MED22: variants seen among roughly 807,000 people sequenced by gnomAD.
MED22 encodes the protein mediator complex subunit 22, also known as mediator of RNA polymerase II transcription subunit 22.
In MED22, 22 loss-of-function variants were observed where a neutral mutation model predicts 22.7. That is an observed-to-expected ratio of 0.97 (90% CI 0.69 to 1.38). The LOEUF is 1.38. MED22 is among the 40% of genes most tolerant of loss of function. The pLI is 0.00. For synonymous variants in MED22, 134 were observed against 119.4 expected (o/e 1.12, Z -0.80); for missense variants, 247 against 263.0 (o/e 0.94, Z 0.42).
intron 2 of MED22, among the ~76,000 whole-genome samples, chr9:133,346,207 C>A (rs2129967616): frequency 4.3e-4 from 66 of 152,252 alleles, no homozygotes; most frequent in African/African-American, 8.2e-4. Flanking sequence ...GGCCCCCCCC[C>A]ACTTCTCCCC....
intron 1 of MED22, chr9:133,347,332 A>G (rs1836215560): frequency 1.3e-5 from 2 of 152,242 alleles, no homozygotes; most frequent in South Asian, 4.1e-4. Context: ...CCTGACCAAC[A>G]TGGTGAAACC....
chr9:133,342,985 G>A (rs1013879037), intron 4 of MED22: 3 of 986,050 alleles, frequency 3.0e-6, no homozygotes, highest in African/African-American at 3.5e-5. Context: ...GGAAGGAGAT[G>A]CCCAGAAGGG....
chr9:133,346,349 C>T, intron 2 of MED22, 191 bp downstream of exon 2: 1 of 651,700 alleles, frequency 1.5e-6, no homozygotes, highest in Non-Finnish European at 2.6e-6. Flanking sequence ...AGTGAAATCT[C>T]CATCCAAATC....
intron 3 of MED22, among the ~76,000 whole-genome samples, chr9:133,344,816 C>T (rs1214757583): frequency 1.3e-5 from 2 of 152,206 alleles, no homozygotes; most frequent in African/African-American, 4.8e-5. Context: ...CCTACAGTTC[C>T]ATTCGGCTGT....
chr9:133,342,588 G>A (rs1003838847), intron 4 of MED22: 22 of 986,356 alleles, frequency 2.2e-5, no homozygotes, highest in Non-Finnish European at 2.5e-5. Flanking sequence ...CGCCCTTTGG[G>A]GGACCAGCAA....
chr9:133,339,647 A>C lies in MED22; in HGVS notation c.*1858T>G, dbSNP rs1486651421. ...ATGTGCTCAGAGAGGCAAACTGACA[A>C]GTACTTCCATGAGTTCCACTGCCCT... is the stretch of plus-strand genomic sequence containing the variant. On this transcript the variant is annotated 3_prime_UTR_variant, in exon 5 of 5. Transcript: ENST00000343730. 3 of 375,110 alleles carry C rather than the reference A, an allele frequency of 8.0e-6. No individual in the cohort carries two copies. Among genetic ancestry groups the C allele is most frequent in the Non-Finnish European group, 1.5e-5 (3 of 202,498 alleles). The allele number at this position is 375,110 out of a possible 1,614,324, so 23.2% of individuals were successfully genotyped here. A position where few individuals can be genotyped will look rare whatever the true frequency, so the allele number is the denominator to read the frequency against.
chr9:133,345,330 G>T, intron 2 of MED22, 78 bp from the exon 3 acceptor site: 2 of 1,396,262 alleles, frequency 1.4e-6, no homozygotes, highest in Non-Finnish European at 1.0e-6. Flanking sequence ...CCCAGCTTAC[G>T]GTAACTGTCA....
At chr9:133,342,023 C>T (rs1836020310) in intron 4 of MED22, 12 of 1,127,454 alleles carry the variant, frequency 1.1e-5, no homozygotes, top group South Asian at 2.3e-5. Flanking sequence ...GCTGGTCCCC[C>T]TCCTCTTGCA....
In MED22 at chr9:133,339,182, TAC is replaced by T. The variant is rs1418006021; in HGVS notation, c.*2321_*2322del. On this transcript the variant is annotated 3_prime_UTR_variant, in exon 5 of 5. Coordinates refer to ENST00000343730, the MANE Select transcript of MED22 (RefSeq NM_133640.5). ...TCACCATGGCTAGACTGGGAGAGTC[TAC>T]AGTGTTCCCCAGCATGCTGTTGGCA... is the stretch of plus-strand genomic sequence containing the variant. 1.5e-6 allele frequency: 1 copy of T among 686,218 alleles called. No homozygotes were observed. Among genetic ancestry groups the T allele is most frequent in the East Asian group, 2.9e-5 (1 of 34,660 alleles). The allele number at this position is 686,218 out of a possible 1,614,324, so 42.5% of individuals were successfully genotyped here.
intron 2 of MED22, among the ~76,000 whole-genome samples, chr9:133,345,837 G>C (rs1354221746): frequency 6.6e-6 from 1 of 152,184 alleles, no homozygotes; most frequent in Non-Finnish European, 1.5e-5. Flanking sequence ...GGTACCCTCA[G>C]TGGTTAAGAC....
At position 133,348,105 on chromosome 9, in the gene MED22, C is replaced by A; in HGVS notation, c.-222G>T. ...GTCAGCCGCCGCAGCCTCTCGGCCC[C>A]GCCTCGATTTTTAGCTTTATAGGAA... On this transcript the variant is annotated 5_prime_UTR_variant, in exon 1 of 5. Coordinates refer to ENST00000343730, the MANE Select transcript of MED22 (RefSeq NM_133640.5). 1.6e-6 allele frequency: 2 copies of A among 1,290,112 alleles called. 1 individual carries two copies. The highest frequency in any genetic ancestry group is 2.2e-6 in the Non-Finnish European group (2 of 893,918). The allele number at this position is 1,290,112 out of a possible 1,614,324, so 79.9% of individuals were successfully genotyped here.
At chr9:133,344,406 G>A in intron 3 of MED22, 73 bp from the exon 4 acceptor site, 9 of 1,508,402 alleles carry the variant, frequency 6.0e-6, no homozygotes, top group Non-Finnish European at 8.2e-6. Flanking sequence ...AGCTGATGCT[G>A]GGCAAGGGAT....
In MED22 at chr9:133,348,130, A is replaced by G. The variant is rs1588682613; in HGVS notation, c.-247T>C. On this transcript the variant is annotated 5_prime_UTR_variant, in exon 1 of 5. Transcript: ENST00000343730. ...CGCCTCGATTTTTAGCTTTATAGGA[A>G]TGCTGTTGCTTTAAATCCGAAATCC... is the stretch of plus-strand genomic sequence containing the variant. 2 of 1,442,916 alleles carry G rather than the reference A, an allele frequency of 1.4e-6. No individual in the cohort carries two copies. Among genetic ancestry groups the G allele is most frequent in the African/African-American group, 1.4e-5 (1 of 71,192 alleles). The allele number at this position is 1,442,916 out of a possible 1,614,324, so 89.4% of individuals were successfully genotyped here.
At position 133,341,508 on chromosome 9, in the gene MED22, G is replaced by A. The variant is rs201434215; in HGVS notation, c.600C>T (p.Ala200=). The A allele has an allele frequency of 9.7e-5, 146 of 1,509,980 alleles. No homozygotes were observed. The highest frequency in any genetic ancestry group is 1.2e-4 in the Non-Finnish European group (140 of 1,139,578). 93.5% of individuals were successfully genotyped at this position (1,509,980 alleles called of 1,614,324 possible). The part of the protein sequence containing the change: ...HAGGPGPTEH[A] ...AACGAAGCGTGGCCCCGGAGGCTCA[G>A]GCGTGCTCAGTGGGGCCAGGGCCAC... The change falls in exon 5 of 5, where the codon GCC becomes GCT. Residue 200 remains alanine (A), a synonymous_variant. Coordinates refer to ENST00000343730, the MANE Select transcript of MED22 (RefSeq NM_133640.5).
chr9:133,345,371 C>T, intron 2 of MED22, 119 bp from the exon 3 acceptor site: 1 of 960,452 alleles, frequency 1.0e-6, no homozygotes, highest in Non-Finnish European at 1.6e-6. Context: ...TGGCCACAAC[C>T]TGTCTGTGGT....
rs1836093284 is a variant in MED22 at position 133,343,951 on chromosome 9, T to C, written c.413+174A>G. Reference sequence around the variant, plus strand: ...AAGGCCCAGGGCCCTGGCATATGGATGTGAATTGTCTGTCGGTCAAACGCT... The same window carrying C: ...AAGGCCCAGGGCCCTGGCATATGGACGTGAATTGTCTGTCGGTCAAACGCT... On this transcript the variant is annotated intron_variant, in intron 4 of 4. Coordinates refer to ENST00000343730, the MANE Select transcript of MED22 (RefSeq NM_133640.5). The C allele has an allele frequency of 6.2e-6, 9 of 1,450,906 alleles. No homozygotes were observed. In the East Asian group the frequency reaches 2.0e-4, roughly 32 times the overall value. The allele number at this position is 1,450,906 out of a possible 1,614,324, so 89.9% of individuals were successfully genotyped here. A position where few individuals can be genotyped will look rare whatever the true frequency, so the allele number is the denominator to read the frequency against.
Position 133,339,230 on chromosome 9 carries a change from C to CA in MED22, c.*2274dup, listed in dbSNP as rs1395600803. The CA allele has an allele frequency of 4.3e-6, 3 of 693,748 alleles. No individual in the cohort carries two copies. Among genetic ancestry groups the CA allele is most frequent in the Admixed American group, 1.8e-5 (1 of 56,114 alleles). 43.0% of individuals were successfully genotyped at this position (693,748 alleles called of 1,614,324 possible). On this transcript the variant is annotated 3_prime_UTR_variant, in exon 5 of 5. Transcript: ENST00000343730. ...TGGCACTGTTGTAAACAAGTAAGGGCAAGATTCTTGCCAAGAGAATGAATG... is the reference window on the plus strand; with the variant it reads ...TGGCACTGTTGTAAACAAGTAAGGGCAAAGATTCTTGCCAAGAGAATGAATG...
intron 1 of MED22, chr9:133,347,167 C>T (rs1836209531): frequency 6.4e-6 from 1 of 155,940 alleles, no homozygotes; most frequent in Admixed American, 6.4e-5. Flanking sequence ...GACCTCATCC[C>T]TGCACTGCGG....
At chr9:133,342,787 G>C (rs1836049950) in intron 4 of MED22, 2 of 985,806 alleles carry the variant, frequency 2.0e-6, no homozygotes, top group African/African-American at 1.7e-5. Context: ...TGTTGGGGGA[G>C]GGCATGGGAA....
Sources: allele counts gnomAD v4.1 joint callset (sites outside exome capture counted in the v4.1 genomes callset), GRCh38; gene constraint gnomAD v4.1.1; transcripts MANE v1.5; gene names NCBI Gene and HGNC (gene_info 2026-07-23, HGNC 2026-07-21).